ULK2: variants seen among roughly 807,000 people sequenced by gnomAD.
The protein encoded by ULK2 is serine/threonine-protein kinase ULK2.
A neutral mutation model predicts 127.5 loss-of-function variants in ULK2; 76 were observed. That is an observed-to-expected ratio of 0.60 (90% CI 0.50 to 0.72). The LOEUF (loss-of-function observed/expected upper bound fraction) is 0.72, where lower values mean the gene tolerates loss of function less well. ULK2 is among the 30% of genes least tolerant of loss of function. The pLI, the probability that ULK2 is intolerant of heterozygous loss-of-function variation, is 0.00. For missense variants in ULK2, 1,144 were observed against 1,295.9 expected, an observed-to-expected ratio of 0.88 and a Z score of 1.80; for synonymous variants, 452 against 461.9, an observed-to-expected ratio of 0.98 and a Z score of 0.28.
intron 5 of ULK2, among the ~76,000 whole-genome samples, chr17:19,849,043 C>T (rs1402344736): frequency 1.3e-5 from 2 of 151,898 alleles, no homozygotes; most frequent in South Asian, 2.1e-4. Flanking sequence ...AGAAACGAAA[C>T]GGACTAAAAC....
At chr17:19,809,274 G>C in intron 14 of ULK2, among the ~76,000 whole-genome samples, 1 of 152,114 alleles carries the variant, frequency 6.6e-6, no homozygotes, top group Non-Finnish European at 1.5e-5. Flanking sequence ...GGCCTTGAGG[G>C]GAAGGGGAAA....
chr17:19,799,878 G>C (rs1230760678), intron 16 of ULK2, among the ~76,000 whole-genome samples: 1 of 152,230 alleles, frequency 6.6e-6, no homozygotes, highest in Non-Finnish European at 1.5e-5. Flanking sequence ...CAAAGAGTTT[G>C]TACAAAGTGT....
At chr17:19,818,797 C>CTTTTTTTTTTTTTTTTTTTT (rs71157835) in intron 12 of ULK2, among the ~76,000 whole-genome samples, 2 of 77,776 alleles carry the variant, frequency 2.6e-5, no homozygotes, top group Non-Finnish European at 2.5e-5. Context: ...TTTCTTTTTT[C>CTTTTTTTTTTTTTTTTTTTT]TTTTTTTTTT....
intron 9 of ULK2, among the ~76,000 whole-genome samples, chr17:19,841,266 G>T (rs548124702): frequency 6.6e-6 from 1 of 152,030 alleles, no homozygotes; most frequent in Non-Finnish European, 1.5e-5. Context: ...TGTAACTTCC[G>T]TATCTTTTTC....
chr17:19,838,614 G>A, intron 9 of ULK2, 31 bp from the exon 10 acceptor site: 1 of 1,580,824 alleles, frequency 6.3e-7, no homozygotes. Context: ...AACCACCTAA[G>A]TGATAAGTTT....
chr17:19,830,911 C>T (rs140304482), intron 10 of ULK2, among the ~76,000 whole-genome samples: 12 of 152,034 alleles, frequency 7.9e-5, no homozygotes, highest in African/African-American at 2.4e-4. Flanking sequence ...GCTGTAATTC[C>T]CGCTACTCAG....
intron 17 of ULK2, among the ~76,000 whole-genome samples, chr17:19,798,373 A>G (rs157388): frequency 0.96 from 146,326 of 152,282 alleles, 70,489 homozygotes; most frequent in African/African-American, 0.99. Flanking sequence ...AGCCTAAGAG[A>G]TCCCTGTTTC....
Position 19,796,385 on chromosome 17 carries a change from G to A in ULK2, c.1810-103C>T, listed in dbSNP as rs190736818. The A allele has an allele frequency of 3.7e-6, 4 of 1,088,042 alleles. No individual in the cohort carries two copies. In the South Asian group the frequency reaches 1.1e-4, roughly 31 times the overall value. 67.4% of individuals were successfully genotyped at this position (1,088,042 alleles called of 1,614,324 possible). A position where few individuals can be genotyped will look rare whatever the true frequency, so the allele number is the denominator to read the frequency against. On this transcript the variant is annotated intron_variant, in intron 18 of 26. Transcript: ENST00000395544. The stretch of plus-strand genomic sequence containing the variant: ...GTGACCCAGTAGTCAGGAGCATGTA[G>A]GAGATAGGTCGGGTGGTGGGAAAAA...
intron 21 of ULK2, among the ~76,000 whole-genome samples, chr17:19,784,495 A>G (rs1050823701): frequency 5.4e-5 from 8 of 146,920 alleles, no homozygotes; most frequent in Non-Finnish European, 8.9e-5. Context: ...CTAAACCTCA[A>G]TAACACTGGA....
intron 11 of ULK2, among the ~76,000 whole-genome samples, 154 bp from the exon 12 acceptor site, chr17:19,825,336 G>A (rs2041261432): frequency 1.3e-5 from 2 of 152,170 alleles, no homozygotes; most frequent in Admixed American, 1.3e-4. Context: ...AACTAAAAAT[G>A]CAGCAATTAC....
chr17:19,841,977 TA>T (rs974911514), intron 8 of ULK2, among the ~76,000 whole-genome samples: 4 of 151,954 alleles, frequency 2.6e-5, no homozygotes, highest in African/African-American at 9.7e-5. Flanking sequence ...GCCCAATAGG[TA>T]CATTATTGTT....
In ULK2 at chr17:19,810,416, A is replaced by G; in HGVS notation, c.1119T>C (p.Ala373=). 6.2e-7 allele frequency: 1 copy of G among 1,608,394 alleles called. No homozygotes were observed. Among genetic ancestry groups the G allele is most frequent in the East Asian group, 2.2e-5 (1 of 44,764 alleles). ...AGAATTCATTTGAAGCACGTCTGCC[A>G]GCAGTCCCCACTGGCATATCACCTA... ...DHSCDMPVGT[A]GRRASNEFLV... The change falls in exon 14 of 27, where the codon GCT becomes GCC. Residue 373 remains alanine (A), a synonymous_variant. Coordinates refer to ENST00000395544, the MANE Select transcript of ULK2 (RefSeq NM_014683.4).
intron 22 of ULK2, among the ~76,000 whole-genome samples, 194 bp downstream of exon 22, chr17:19,783,503 A>C (rs773527512): frequency 6.6e-6 from 1 of 152,120 alleles, no homozygotes; most frequent in Non-Finnish European, 1.5e-5. Context: ...CTTCCTATAA[A>C]CCAAAGCTTA....
Position 19,867,388 on chromosome 17 carries a change from G to A in ULK2, c.30C>T (p.Ser10=), listed in dbSNP as rs2042376324. The A allele has an allele frequency of 6.2e-7, 1 of 1,602,142 alleles. No individual in the cohort carries two copies. The highest frequency in any genetic ancestry group is 8.5e-7 in the Non-Finnish European group (1 of 1,175,606). The change falls in exon 1 of 27, where the codon AGC becomes AGT. Residue 10 remains serine, a synonymous_variant. Coordinates refer to ENST00000395544, the MANE Select transcript of ULK2 (RefSeq NM_014683.4). MEVVGDFEY[S]KRDLVGHGAF... is the part of the protein sequence containing the mutation. The stretch of plus-strand genomic sequence containing the variant: ...CCCCGTGTCCCACGAGATCCCTCTT[G>A]CTGTACTCGAAGTCACCCACCACCT...
At chr17:19,847,716 A>T (rs1438027585) in intron 5 of ULK2, among the ~76,000 whole-genome samples, 2 of 152,028 alleles carry the variant, frequency 1.3e-5, no homozygotes, top group Non-Finnish European at 2.9e-5. Context: ...TGCCCAGCTA[A>T]TTTTTCTATT....
At chr17:19,814,431 TATATA>T (rs1463011822) in intron 13 of ULK2, among the ~76,000 whole-genome samples, 57 of 16,442 alleles carry the variant, frequency 3.5e-3, no homozygotes, top group African/African-American at 0.013. Flanking sequence ...TATATATATA[TATATA>T]TATTTTTTTT....
At chr17:19,837,030 G>A (rs1243000969) in intron 10 of ULK2, among the ~76,000 whole-genome samples, 1 of 151,852 alleles carries the variant, frequency 6.6e-6, no homozygotes, top group Admixed American at 6.6e-5. Flanking sequence ...AGGTTGCGGT[G>A]AGCTACGATC....
Position 19,867,399 on chromosome 17 carries a change from A to T in ULK2, c.19T>A (p.Phe7Ile). The change falls in exon 1 of 27, where the codon TTC (phenylalanine) becomes ATC (isoleucine). Residue 7 changes from phenylalanine to isoleucine, a missense_variant. By Grantham distance (21) the Phe-to-Ile change is conservative (BLOSUM62 0). Around this residue, in one of 2 missense-constraint regions of ULK2, gnomAD observed 231 missense variants for 325.4 expected, o/e 0.71. Coordinates refer to ENST00000395544, the MANE Select transcript of ULK2 (RefSeq NM_014683.4). The part of the protein sequence containing the change: MEVVGD[F>I]EYSKRDLVGH... ...ACGAGATCCCTCTTGCTGTACTCGAAGTCACCCACCACCTCCATGGCCGCG... is the reference window on the plus strand; with the variant it reads ...ACGAGATCCCTCTTGCTGTACTCGATGTCACCCACCACCTCCATGGCCGCG... 1 of 1,600,054 alleles carries T rather than the reference A, an allele frequency of 6.2e-7. No individual in the cohort carries two copies.
chr17:19,858,508 T>C (rs1366647509), intron 3 of ULK2, among the ~76,000 whole-genome samples: 1 of 152,170 alleles, frequency 6.6e-6, no homozygotes, highest in East Asian at 1.9e-4. Flanking sequence ...TTCACCACTA[T>C]ACGCCTGTAC....
Sources: gnomAD v4.1 joint callset for allele counts (sites outside exome capture counted in the v4.1 genomes callset) on GRCh38, gnomAD v4.1.1 for gene constraint, gnomAD v4.1.1 regional missense constraint, MANE v1.5 for transcripts, NCBI Gene and HGNC (gene_info 2026-07-23, HGNC 2026-07-21) for gene names.